Variants in PCDH9 observed in about 807,000 individuals in gnomAD.
PCDH9 encodes protocadherin-9.
Under a neutral mutation model 70.6 loss-of-function variants are expected in PCDH9, and 24 were observed. That is an observed-to-expected ratio of 0.34 (90% CI 0.25 to 0.48). PCDH9 has a LOEUF of 0.48. PCDH9 is among the 20% of genes least tolerant of loss of function. The pLI, the probability that PCDH9 is intolerant of heterozygous loss-of-function variation, is 0.99. For missense variants in PCDH9, 1,281 were observed against 1,503.6 expected (o/e 0.85, Z 2.45); for synonymous variants, 562 against 558.5 (o/e 1.01, Z -0.09).
At chr13:66,324,581 A>T (rs1208193281) in intron 4 of PCDH9, among the ~76,000 whole-genome samples, 3 of 152,018 alleles carry the variant, frequency 2.0e-5, no homozygotes, top group Non-Finnish European at 4.4e-5. Flanking sequence ...AAATAAAACT[A>T]TATGTGCCAA....
intron 2 of PCDH9, among the ~76,000 whole-genome samples, chr13:67,040,067 A>G (rs1293530686): frequency 6.6e-6 from 1 of 152,242 alleles, no homozygotes; most frequent in Non-Finnish European, 1.5e-5. Context: ...GCACTTACAC[A>G]ATAGCAATCA....
intron 4 of PCDH9, among the ~76,000 whole-genome samples, chr13:66,314,902 A>C (rs534882052): frequency 6.6e-6 from 1 of 152,326 alleles, no homozygotes; most frequent in African/African-American, 2.4e-5. Context: ...TGTAGATGTA[A>C]TAAAATTACT....
chr13:66,794,727 C>G (rs1405356579), intron 3 of PCDH9, among the ~76,000 whole-genome samples: 2 of 152,130 alleles, frequency 1.3e-5, no homozygotes, highest in African/African-American at 4.8e-5. Context: ...TGTTAACTCT[C>G]TTTTTCATCC....
chr13:66,520,284 C>T (rs568437631), intron 4 of PCDH9, among the ~76,000 whole-genome samples: 12 of 152,222 alleles, frequency 7.9e-5, no homozygotes, highest in Middle Eastern at 3.4e-3. Flanking sequence ...TTTTTTTCCG[C>T]TATTTCATTT....
chr13:66,897,163 C>A (rs2139582677), intron 3 of PCDH9, among the ~76,000 whole-genome samples: 1 of 151,350 alleles, frequency 6.6e-6, no homozygotes, highest in Non-Finnish European at 1.5e-5. Flanking sequence ...ACTTGGCATG[C>A]ATAACGTTGC....
intron 4 of PCDH9, among the ~76,000 whole-genome samples, chr13:66,414,798 C>G (rs1957434551): frequency 6.6e-6 from 1 of 152,116 alleles, no homozygotes; most frequent in Non-Finnish European, 1.5e-5. Context: ...TTATGTCATA[C>G]TTTTTATTTT....
chr13:66,770,590 T>C (rs2079791913), intron 3 of PCDH9, among the ~76,000 whole-genome samples: 2 of 152,112 alleles, frequency 1.3e-5, no homozygotes, highest in South Asian at 4.1e-4. Flanking sequence ...AGCTAATGGG[T>C]CATCAACAAG....
intron 4 of PCDH9, among the ~76,000 whole-genome samples, chr13:66,540,033 C>G (rs1250466591): frequency 6.6e-6 from 1 of 151,712 alleles, no homozygotes; most frequent in Non-Finnish European, 1.5e-5. Flanking sequence ...CTATGCCCAG[C>G]TATTTTTTAA....
chr13:67,197,323 A>C (rs1008062266), intron 2 of PCDH9, among the ~76,000 whole-genome samples: 2 of 152,006 alleles, frequency 1.3e-5, no homozygotes, highest in Non-Finnish European at 2.9e-5. Context: ...AAGGAAGCTA[A>C]ACTGTTTCAA....
At chr13:66,779,456 T>C (rs2079953550) in intron 3 of PCDH9, among the ~76,000 whole-genome samples, 1 of 152,126 alleles carries the variant, frequency 6.6e-6, no homozygotes, top group Non-Finnish European at 1.5e-5. Context: ...CTGGAGGACA[T>C]TATGCTAAGT....
At chr13:66,718,315 C>A (rs917854872) in intron 3 of PCDH9, among the ~76,000 whole-genome samples, 3 of 152,056 alleles carry the variant, frequency 2.0e-5, no homozygotes, top group Admixed American at 2.0e-4. Flanking sequence ...GTTACTCAAG[C>A]CCCACAAAAT....
intron 3 of PCDH9, among the ~76,000 whole-genome samples, chr13:66,761,818 C>T (rs993632400): frequency 2.6e-4 from 32 of 124,906 alleles, no homozygotes; most frequent in Non-Finnish European, 4.5e-4. Context: ...TGGTGAGCTT[C>T]CTTAAAAAAA....
intron 2 of PCDH9, among the ~76,000 whole-genome samples, chr13:67,039,356 T>C (rs2085067955): frequency 6.6e-6 from 1 of 152,136 alleles, no homozygotes; most frequent in South Asian, 2.1e-4. Context: ...TGGCAAGATG[T>C]AGAATCCAAT....
chr13:66,629,626 T>C (rs986738301), intron 4 of PCDH9, among the ~76,000 whole-genome samples: 5 of 152,236 alleles, frequency 3.3e-5, no homozygotes, highest in African/African-American at 1.2e-4. Context: ...TTCTTCTCGA[T>C]ATGTGAAATC....
At chr13:66,844,298 T>C (rs924913010) in intron 3 of PCDH9, among the ~76,000 whole-genome samples, 7 of 152,088 alleles carry the variant, frequency 4.6e-5, no homozygotes, top group African/African-American at 1.7e-4. Flanking sequence ...TGAAAGTCCC[T>C]AAAATTGGCC....
Position 67,227,405 on chromosome 13 carries a change from T to C in PCDH9, c.1036A>G (p.Ile346Val). 6.2e-7 allele frequency: 1 copy of C among 1,613,606 alleles called. No individual in the cohort carries two copies. Residue 346 changes from isoleucine to valine, a missense_variant, in exon 2 of 5, where the codon ATC (isoleucine) becomes GTC (valine). Transcript: ENST00000377865. This position sits in a 1 kb window ranked among gnomAD's most constrained non-coding sequence, Gnocchi z 4.6. ...TTATCATTTACATCGGTGACATTGA[T>C]GGTAACCGTTGCTCGAGCAGGAGTG... The part of the protein sequence containing the change: ...SSTPARATVT[I>V]NVTDVNDNPP...
In PCDH9 at chr13:67,065,089, T is replaced by C. The variant is rs570181354; in HGVS notation, c.3036+160316A>G. On this transcript the variant is annotated intron_variant, in intron 2 of 4. Transcript: ENST00000377865. ...TGGTGACATTGGATCTTAGGATTAC[T>C]TCTCACATAAAACTCAGAGGATTTG... Among the ~76,000 whole-genome samples, 39 of 152,284 alleles carry C rather than the reference T, an allele frequency of 2.6e-4. No homozygotes were observed. The South Asian group carries it at 4.8e-3, about 19-fold the overall frequency.
At chr13:66,937,623 TCAGA>T (rs749513147) in intron 2 of PCDH9, among the ~76,000 whole-genome samples, 3 of 152,182 alleles carry the variant, frequency 2.0e-5, no homozygotes, top group Non-Finnish European at 2.9e-5. Context: ...AGCTTAACAG[TCAGA>T]CAAAGTGGAA....
rs537942975 is a variant in PCDH9 at position 66,340,875 on chromosome 13, C to T, written c.3341-35847G>A. On this transcript the variant is annotated intron_variant, in intron 4 of 4. Coordinates refer to ENST00000377865, the MANE Select transcript of PCDH9 (RefSeq NM_203487.3). ...TTGTATTAGTAGATTTTCTGAATGC[C>T]TTAACACTAAAGTGCAAATCTCAAT... is the stretch of plus-strand genomic sequence containing the variant. Among the ~76,000 whole-genome samples, 5 of 152,250 alleles carry T rather than the reference C, an allele frequency of 3.3e-5. 1 individual carries two copies. In the South Asian group the frequency reaches 1.0e-3, roughly 32 times the overall value.
Sources: allele counts gnomAD v4.1 joint callset (sites outside exome capture counted in the v4.1 genomes callset), GRCh38; gene constraint gnomAD v4.1.1; non-coding constraint Gnocchi (gnomAD v3.1); transcripts MANE v1.5; gene names NCBI Gene and HGNC (gene_info 2026-07-23, HGNC 2026-07-21).